NFAT5: variants seen among roughly 807,000 people sequenced by gnomAD.
NFAT5 encodes nuclear factor of activated T cells 5.
NFAT5 carries 31 observed loss-of-function variants against 166.5 expected under a neutral mutation model. The ratio of observed to expected loss-of-function variants is 0.19; its 90% CI spans 0.14 to 0.25. NFAT5 has a LOEUF of 0.25. Ranked by LOEUF, NFAT5 falls within the 10% of genes least tolerant of loss-of-function variation. The pLI, the probability that NFAT5 is intolerant of heterozygous loss-of-function variation, is 1.00. For synonymous variants in NFAT5, 612 were observed against 639.7 expected, an observed-to-expected ratio of 0.96 and a Z score of 0.65; for missense variants, 1,449 against 1,821.8, an observed-to-expected ratio of 0.80 and a Z score of 3.72.
At chr16:69,683,531 T>A (rs960750607) in intron 10 of NFAT5, among the ~76,000 whole-genome samples, 5 of 152,072 alleles carry the variant, frequency 3.3e-5, no homozygotes, top group African/African-American at 1.2e-4. Context: ...AGACCCTGTC[T>A]CAAAGGAAGA....
At chr16:69,622,706 A>G (rs750394582) in intron 2 of NFAT5, among the ~76,000 whole-genome samples, 3 of 152,124 alleles carry the variant, frequency 2.0e-5, no homozygotes, top group Non-Finnish European at 4.4e-5. Flanking sequence ...GATTAGTAAC[A>G]TGCTATTAGT....
Position 69,692,096 on chromosome 16 carries a change from A to G in NFAT5, c.2271A>G (p.Gln757=). Residue 757 remains glutamine, a synonymous_variant, in exon 13 of 15, where the codon CAA becomes CAG. Transcript: ENST00000349945. ...TGTCACAACTGACTGAGGCATCACA[A>G]CAACAGCAGCAGTCACCACTACAAG... The part of the protein sequence containing the change: ...VNLSQLTEAS[Q]QQQQSPLQEQ... 1 of 1,614,156 alleles carries G rather than the reference A, an allele frequency of 6.2e-7. No individual in the cohort carries two copies. The highest frequency in any genetic ancestry group is 8.5e-7 in the Non-Finnish European group (1 of 1,180,042).
At chr16:69,664,554 G>A (rs1348719350) in intron 7 of NFAT5, among the ~76,000 whole-genome samples, 1 of 151,952 alleles carries the variant, frequency 6.6e-6, no homozygotes, top group Non-Finnish European at 1.5e-5. Context: ...CAGGGTGCTG[G>A]GATTACAGGT....
At chr16:69,623,995 C>T (rs1411859125) in intron 2 of NFAT5, among the ~76,000 whole-genome samples, 3 of 152,112 alleles carry the variant, frequency 2.0e-5, no homozygotes, top group African/African-American at 4.8e-5. Context: ...AGGTGATCCA[C>T]CCGCCTCGGC....
At position 69,647,627 on chromosome 16, in the gene NFAT5, AAAAC is replaced by A. The variant is rs754882611; in HGVS notation, c.812+53_812+56del. The A allele has an allele frequency of 1.8e-4, 272 of 1,486,352 alleles. No individual in the cohort carries two copies. Among genetic ancestry groups the A allele is most frequent in the East Asian group, 4.8e-4 (21 of 43,784 alleles). The allele number at this position is 1,486,352 out of a possible 1,614,324, so 92.1% of individuals were successfully genotyped here. A position where few individuals can be genotyped will look rare whatever the true frequency, so the allele number is the denominator to read the frequency against. ...TTTTAAAATTCTATCATCATTATGC[AAAAC>A]AAACAAACAAAAAAAATTCCCAATT... On this transcript the variant is annotated intron_variant, in intron 4 of 14. Coordinates refer to ENST00000349945, the MANE Select transcript of NFAT5 (RefSeq NM_138713.4). This position sits in a 1 kb window ranked among gnomAD's most constrained non-coding sequence, Gnocchi z 4.8.
intron 2 of NFAT5, among the ~76,000 whole-genome samples, chr16:69,585,173 A>T (rs1262608273): frequency 6.7e-6 from 1 of 150,140 alleles, no homozygotes. Context: ...AATTATTATT[A>T]TTTTTTTTTG....
chr16:69,632,895 C>A (rs1455709781), intron 3 of NFAT5, among the ~76,000 whole-genome samples: 2 of 152,102 alleles, frequency 1.3e-5, no homozygotes, highest in Non-Finnish European at 2.9e-5. Context: ...AAGTCAGATC[C>A]TAGTTACAAA....
At chr16:69,625,543 T>G (rs1373765272) in intron 2 of NFAT5, among the ~76,000 whole-genome samples, 2 of 152,016 alleles carry the variant, frequency 1.3e-5, no homozygotes, top group African/African-American at 4.8e-5. Flanking sequence ...TTTTTTTTTT[T>G]TAAGCTTCAA....
intron 6 of NFAT5, among the ~76,000 whole-genome samples, chr16:69,658,209 G>A (rs181592957): frequency 5.3e-5 from 8 of 152,210 alleles, no homozygotes; most frequent in East Asian, 1.9e-4. Context: ...CAGGCCAGGC[G>A]TGCTGGCTCA....
In NFAT5 at chr16:69,566,293, C is replaced by G. The variant is rs2016028408; in HGVS notation, c.-9C>G. On this transcript the variant is annotated 5_prime_UTR_variant, in exon 1 of 15. Coordinates refer to ENST00000349945, the MANE Select transcript of NFAT5 (RefSeq NM_138713.4). This position sits in a 1 kb window ranked among gnomAD's most constrained non-coding sequence, Gnocchi z 5.7. Reference sequence around the variant, plus strand: ...CCGCTGCCCTCGGGCCGGGCTGGGTCGAGCTGCGATGCCCTCGGACTTCAT... The same window carrying G: ...CCGCTGCCCTCGGGCCGGGCTGGGTGGAGCTGCGATGCCCTCGGACTTCAT... 2 of 1,601,194 alleles carry G rather than the reference C, an allele frequency of 1.2e-6. No homozygotes were observed. The highest frequency in any genetic ancestry group is 1.1e-5 in the South Asian group (1 of 88,114).
At position 69,570,431 on chromosome 16, in the gene NFAT5, A is replaced by T. The variant is rs374073067; in HGVS notation, c.127+1883A>T. Among the ~76,000 whole-genome samples, 4 of 152,024 alleles carry T rather than the reference A, an allele frequency of 2.6e-5. No individual in the cohort carries two copies. The East Asian group carries it at 5.8e-4, about 22-fold the overall frequency. ...CCCATATACCCATCACCACAGTTTA[A>T]CCAGTATCTAATCTTGCTTCTTTTA... is the stretch of plus-strand genomic sequence containing the variant. On this transcript the variant is annotated intron_variant, in intron 2 of 14. Coordinates refer to ENST00000349945, the MANE Select transcript of NFAT5 (RefSeq NM_138713.4).
chr16:69,659,726 G>T lies in NFAT5; in HGVS notation c.1197-1G>T. 1 of 1,602,052 alleles carries T rather than the reference G, an allele frequency of 6.2e-7. No homozygotes were observed. The highest frequency in any genetic ancestry group is 8.5e-7 in the Non-Finnish European group (1 of 1,173,630). On this transcript the variant is annotated splice_acceptor_variant, in intron 6 of 14. Coordinates refer to ENST00000349945, the MANE Select transcript of NFAT5 (RefSeq NM_138713.4). LOFTEE classifies it high-confidence loss of function. The stretch of plus-strand genomic sequence containing the variant: ...CTTTATATATTTTTTTTCTGTATTA[G>T]GGTGGACTGCGTAGGGATATTGAAA...
At chr16:69,674,826 T>C (rs1405521922) in intron 9 of NFAT5, among the ~76,000 whole-genome samples, 1 of 152,216 alleles carries the variant, frequency 6.6e-6, no homozygotes, top group East Asian at 1.9e-4. Context: ...AAAAAGATTA[T>C]CTGCTAGGGA....
rs1302036713 is a variant in NFAT5, at chr16:69,653,413, C to T, written c.990C>T (p.Gly330=). ...RGSVKDRTQQ[G]FPTVKLEGHN... Reference sequence around the variant, plus strand: ...CAGTGAAAGATAGAACACAGCAAGGCTTTCCTACAGTAAAGGTATTTACTT... The same window carrying T: ...CAGTGAAAGATAGAACACAGCAAGGTTTTCCTACAGTAAAGGTATTTACTT... The change falls in exon 5 of 15, where the codon GGC becomes GGT. Residue 330 remains glycine (G), a synonymous_variant. Coordinates refer to ENST00000349945, the MANE Select transcript of NFAT5 (RefSeq NM_138713.4). 1.3e-6 allele frequency: 2 copies of T among 1,577,886 alleles called. No individual in the cohort carries two copies. The highest frequency in any genetic ancestry group is 1.7e-6 in the Non-Finnish European group (2 of 1,168,892).
At chr16:69,646,366 T>C (rs1416694110) in intron 3 of NFAT5, among the ~76,000 whole-genome samples, 2 of 152,232 alleles carry the variant, frequency 1.3e-5, no homozygotes, top group African/African-American at 4.8e-5. Flanking sequence ...TTCTCCTAGA[T>C]TTTACAACAA....
chr16:69,572,258 T>C (rs1265848867), intron 2 of NFAT5, among the ~76,000 whole-genome samples: 1 of 152,198 alleles, frequency 6.6e-6, no homozygotes, highest in African/African-American at 2.4e-5. Context: ...CATTAAATGA[T>C]GTTTCTGGTA....
chr16:69,651,409 T>C (rs1168020532), intron 4 of NFAT5, among the ~76,000 whole-genome samples: 1 of 152,212 alleles, frequency 6.6e-6, no homozygotes, highest in East Asian at 1.9e-4. Flanking sequence ...CCATTGAAGA[T>C]AGTGCCTTTC....
chr16:69,694,065 T>C lies in NFAT5; in HGVS notation c.4240T>C (p.Ser1414Pro). The change falls in exon 13 of 15, where the codon TCT becomes CCT. Residue 1414 changes from serine to proline, a missense_variant. Around this residue, in one of 7 missense-constraint regions of NFAT5, gnomAD observed 891 missense variants for 993.0 expected, o/e 0.90. Transcript: ENST00000349945. ...TSINQQDMQQ[S>P]PLYSPQNNMP... is the part of the protein sequence containing the mutation. ...TATAAATCAACAAGATATGCAACAG[T>C]CTCCTCTTTATTCCCCTCAGAACAA... The C allele has an allele frequency of 6.2e-7, 1 of 1,614,076 alleles. No individual in the cohort carries two copies. The highest frequency in any genetic ancestry group is 8.5e-7 in the Non-Finnish European group (1 of 1,180,016).
At chr16:69,602,085 T>A (rs1286735704) in intron 2 of NFAT5, among the ~76,000 whole-genome samples, 1 of 151,642 alleles carries the variant, frequency 6.6e-6, no homozygotes, top group Non-Finnish European at 1.5e-5. Flanking sequence ...AACTTCAGTT[T>A]TCCAGTCTAT....
Sources: gnomAD v4.1 joint callset for allele counts (sites outside exome capture counted in the v4.1 genomes callset) on GRCh38, gnomAD v4.1.1 for gene constraint, gnomAD v4.1.1 regional missense constraint, Gnocchi (gnomAD v3.1) non-coding constraint, MANE v1.5 for transcripts, NCBI Gene and HGNC (gene_info 2026-07-23, HGNC 2026-07-21) for gene names.